COL28A1: variants seen among roughly 807,000 people sequenced by gnomAD.
COL28A1 encodes collagen type XXVIII alpha 1 chain.
A neutral mutation model predicts 150.2 loss-of-function variants in COL28A1; 161 were observed. That is an observed-to-expected ratio of 1.07 (90% CI 0.94 to 1.22). The LOEUF is 1.22. Ranked by LOEUF, COL28A1 falls within the 50% of genes most tolerant of loss-of-function variation. The pLI, the probability that COL28A1 is intolerant of heterozygous loss-of-function variation, is 0.00. For synonymous variants in COL28A1, 552 were observed against 469.7 expected (o/e 1.18, Z -2.26); for missense variants, 1,617 against 1,388.3 (o/e 1.16, Z -2.62).
rs1427194173 is a variant in COL28A1, at chr7:7,443,666, A to G, written c.1582-13T>C. The G allele has an allele frequency of 1.2e-6, 2 of 1,613,930 alleles. No homozygotes were observed. Among genetic ancestry groups the G allele is most frequent in the Non-Finnish European group, 1.7e-6 (2 of 1,179,948 alleles). ...GCCCCGCTTCTCCCTAGAGAAAATGACACTGATGTGTTAGCTGACCCTCCA... is the reference window on the plus strand; with the variant it reads ...GCCCCGCTTCTCCCTAGAGAAAATGGCACTGATGTGTTAGCTGACCCTCCA... On this transcript the variant is annotated splice_polypyrimidine_tract_variant and intron_variant, in intron 19 of 34. Coordinates refer to ENST00000399429, the MANE Select transcript of COL28A1 (RefSeq NM_001037763.3).
chr7:7,517,749 T>C, intron 7 of COL28A1, 47 bp downstream of exon 7: 1 of 1,611,852 alleles, frequency 6.2e-7, no homozygotes, highest in Non-Finnish European at 8.5e-7. Flanking sequence ...ACAAAATCAG[T>C]AACCTAGGAT....
chr7:7,420,143 T>G, intron 25 of COL28A1, 190 bp from the exon 26 acceptor site: 1 of 380,022 alleles, frequency 2.6e-6, no homozygotes, highest in Non-Finnish European at 4.7e-6. Flanking sequence ...CATTTCAAAT[T>G]AATCAAGTCA....
chr7:7,380,969 C>T, intron 28 of COL28A1, 107 bp from the exon 29 acceptor site: 1 of 948,666 alleles, frequency 1.1e-6, no homozygotes, highest in Non-Finnish European at 1.6e-6. Context: ...TGAAGACCTT[C>T]AGTTCTTGTT....
At chr7:7,540,313 G>C (rs992180070), upstream of COL28A1, among the ~76,000 whole-genome samples, 6 of 152,046 alleles carry the variant, frequency 3.9e-5, no homozygotes, top group Admixed American at 6.6e-5. Context: ...TTTTCACTTA[G>C]TTCATTTTAC....
the COL28A1 span, among the ~76,000 whole-genome samples, chr7:7,340,077 G>A: frequency 6.7e-6 from 1 of 148,486 alleles, no homozygotes; most frequent in Non-Finnish European, 1.5e-5. Context: ...TCCAACCTCT[G>A]CCTCTCAGAT....
chr7:7,500,012 G>C, intron 11 of COL28A1, among the ~76,000 whole-genome samples: 1 of 152,172 alleles, frequency 6.6e-6, no homozygotes, highest in East Asian at 1.9e-4. Context: ...GAAAGTAGAA[G>C]TAACACATTG....
Position 7,443,604 on chromosome 7 carries a change from T to C in COL28A1, c.1631A>G (p.Lys544Arg). The C allele has an allele frequency of 6.2e-7, 1 of 1,614,132 alleles. No individual in the cohort carries two copies. Among genetic ancestry groups the C allele is most frequent in the East Asian group, 2.2e-5 (1 of 44,882 alleles). ...GARGPEGPPG[K>R]GQPGPKGDEG... ...CCATACCTTGGGGCCAGGCTGTCCT[T>C]TTCCAGGTGGTCCTTCTGGGCCTCT... The change falls in exon 20 of 35, where the codon AAA (lysine) becomes AGA (arginine). Residue 544 changes from lysine (K) to arginine (R), a missense_variant. Coordinates refer to ENST00000399429, the MANE Select transcript of COL28A1 (RefSeq NM_001037763.3).
chr7:7,434,234 C>G (rs1785184869), intron 23 of COL28A1, among the ~76,000 whole-genome samples: 1 of 152,158 alleles, frequency 6.6e-6, no homozygotes, highest in Non-Finnish European at 1.5e-5. Flanking sequence ...TCAACAAAAA[C>G]TCAAGGTGAT....
intron 10 of COL28A1, among the ~76,000 whole-genome samples, chr7:7,506,386 T>A (rs975545151): frequency 6.6e-6 from 1 of 152,214 alleles, no homozygotes; most frequent in Non-Finnish European, 1.5e-5. Context: ...TCTTCTTTTT[T>A]AAAATATCTA....
chr7:7,396,617 T>C (rs1782850440), intron 27 of COL28A1, among the ~76,000 whole-genome samples: 1 of 152,202 alleles, frequency 6.6e-6, no homozygotes, highest in Non-Finnish European at 1.5e-5. Context: ...TAAAGCACCC[T>C]ATTTGGTTGG....
chr7:7,439,333 A>G (rs936244112), intron 21 of COL28A1, among the ~76,000 whole-genome samples: 5 of 152,186 alleles, frequency 3.3e-5, no homozygotes, highest in African/African-American at 1.2e-4. Flanking sequence ...AGGCAATGGC[A>G]CAGGACATGA....
At chr7:7,457,902 C>T (rs1787301901) in intron 15 of COL28A1, among the ~76,000 whole-genome samples, 1 of 152,118 alleles carries the variant, frequency 6.6e-6, no homozygotes, top group South Asian at 2.1e-4. Flanking sequence ...ATTAGGGCCG[C>T]AAAACTTTTA....
the COL28A1 span, among the ~76,000 whole-genome samples, chr7:7,348,484 T>G: frequency 2.0e-5 from 3 of 151,908 alleles, no homozygotes; most frequent in Admixed American, 1.3e-4. Flanking sequence ...TCACTCTCCC[T>G]CTCCCTCTCC....
intron 28 of COL28A1, among the ~76,000 whole-genome samples, 159 bp from the exon 29 acceptor site, chr7:7,381,021 T>A (rs146809174): frequency 0.018 from 2,700 of 152,270 alleles, 43 homozygotes; most frequent in Non-Finnish European, 0.026. Context: ...GGGTAACTTA[T>A]TTACATCCCA....
At chr7:7,350,075 C>G in the COL28A1 span, among the ~76,000 whole-genome samples, 1 of 151,866 alleles carries the variant, frequency 6.6e-6, no homozygotes, top group Non-Finnish European at 1.5e-5. Context: ...GGGCCCTTAA[C>G]GCATTTGAAG....
chr7:7,409,543 T>C (rs1246965099), intron 27 of COL28A1, among the ~76,000 whole-genome samples: 1 of 152,164 alleles, frequency 6.6e-6, no homozygotes, highest in Non-Finnish European at 1.5e-5. Flanking sequence ...AGTTTTAGTA[T>C]ATGACAGTTC....
rs904744944 is a variant in COL28A1 at position 7,390,812 on chromosome 7, G to A, written c.2137-9200C>T. 2.0e-5 allele frequency among the ~76,000 whole-genome samples: 3 copies of A among 152,104 alleles called. No individual in the cohort carries two copies. The East Asian group carries it at 5.8e-4, about 29-fold the overall frequency. On this transcript the variant is annotated intron_variant, in intron 27 of 34. Coordinates refer to ENST00000399429, the MANE Select transcript of COL28A1 (RefSeq NM_001037763.3). ...TTATAGTATTCTCTGATGGTAGTTG[G>A]TATTTCTGTGGGATCAGCAGTGATA...
intron 25 of COL28A1, among the ~76,000 whole-genome samples, chr7:7,428,733 C>T (rs563173067): frequency 2.0e-4 from 30 of 152,198 alleles, no homozygotes; most frequent in Non-Finnish European, 3.8e-4. Context: ...TAGCAAGAAA[C>T]CAAATTATCA....
rs1471112849 is a variant in COL28A1 at position 7,531,910 on chromosome 7, A to G, written c.125-6T>C. On this transcript the variant is annotated splice_region_variant and splice_polypyrimidine_tract_variant and intron_variant, in intron 2 of 34. Transcript: ENST00000399429. ...ATCTATGAAACAAATGGAGCCTGAA[A>G]CAGAATAAACAGGTTAGGCAAAATA... The G allele has an allele frequency of 6.4e-7, 1 of 1,558,974 alleles. No individual in the cohort carries two copies. The highest frequency in any genetic ancestry group is 1.4e-5 in the African/African-American group (1 of 73,344).
Sources: allele counts gnomAD v4.1 joint callset (sites outside exome capture counted in the v4.1 genomes callset), GRCh38; gene constraint gnomAD v4.1.1; transcripts MANE v1.5; gene names NCBI Gene and HGNC (gene_info 2026-07-23, HGNC 2026-07-21).